The following CDKL4 variants were observed in gnomAD, a reference collection of about 807,000 sequenced individuals.
CDKL4 encodes the protein cyclin dependent kinase like 4.
Under a neutral mutation model 42.0 loss-of-function variants are expected in CDKL4, and 44 were observed. The observed-to-expected ratio is 1.05, with a 90% CI of 0.82 to 1.35. CDKL4 has a LOEUF of 1.35. Among genes scored for constraint, CDKL4 ranks in the 40% most tolerant of loss-of-function variants. CDKL4 has a pLI of 0.00. For missense variants in CDKL4, 393 were observed against 369.9 expected, an observed-to-expected ratio of 1.06 and a Z score of -0.51; for synonymous variants, 120 against 121.6, an observed-to-expected ratio of 0.99 and a Z score of 0.09.
chr2:39,176,499 A>C (rs971493376), intron 9 of CDKL4, among the ~76,000 whole-genome samples: 2 of 152,284 alleles, frequency 1.3e-5, no homozygotes, highest in East Asian at 3.9e-4. Context: ...CAATGGTGCA[A>C]TCTCGGCTCA....
chr2:39,174,355 G>A (rs1196852172), downstream of CDKL4, among the ~76,000 whole-genome samples: 2 of 150,496 alleles, frequency 1.3e-5, no homozygotes, highest in African/African-American at 4.9e-5. Context: ...AGCTGTGATT[G>A]CACCACTGCA....
rs200299086 is a variant in CDKL4 at position 39,185,327 on chromosome 2, C to T, written c.736-680G>A. On this transcript the variant is annotated intron_variant, in intron 7 of 9. Transcript: ENST00000451199. ...ACATATGTATATATACATATATATA[C>T]ACATATGTATATATATACACATATG... Among the ~76,000 whole-genome samples the T allele has an allele frequency of 2.4e-4, 19 of 79,344 alleles. 3 individuals carry two copies. The highest frequency in any genetic ancestry group is 4.0e-4 in the African/African-American group (8 of 19,958). 52.1% of individuals were successfully genotyped at this position (79,344 alleles called of 152,430 possible).
At chr2:39,237,958 T>A (rs1679458206) in intron 1 of CDKL4, among the ~76,000 whole-genome samples, 1 of 152,152 alleles carries the variant, frequency 6.6e-6, no homozygotes, top group Non-Finnish European at 1.5e-5. Context: ...CCATCCAAAT[T>A]AATGTAAAAA....
At chr2:39,239,293 T>C (rs1419676630) in intron 1 of CDKL4, among the ~76,000 whole-genome samples, 2 of 150,818 alleles carry the variant, frequency 1.3e-5, no homozygotes, top group East Asian at 3.9e-4. Flanking sequence ...TGACTTTCAG[T>C]TATGCAGATT....
downstream of CDKL4, among the ~76,000 whole-genome samples, chr2:39,174,356 C>A (rs951533057): frequency 6.7e-6 from 1 of 150,218 alleles, no homozygotes; most frequent in Non-Finnish European, 1.5e-5. Context: ...GCTGTGATTG[C>A]ACCACTGCAC....
exon 6 of CDKL4, chr2:39,190,439 A>T (rs1366915695): frequency 6.2e-7 from 1 of 1,614,058 alleles, no homozygotes; most frequent in Admixed American, 1.7e-5. Context: ...AGTATCTCCC[A>T]CAAGAAGTTC....
intron 3 of CDKL4, among the ~76,000 whole-genome samples, chr2:39,221,641 T>C (rs1271263605): frequency 1.3e-5 from 2 of 152,250 alleles, no homozygotes; most frequent in Non-Finnish European, 2.9e-5. Flanking sequence ...AACGCACTAC[T>C]GAACACCAGC....
chr2:39,227,554 C>A (rs75718657), intron 2 of CDKL4, among the ~76,000 whole-genome samples: 5,494 of 152,130 alleles, frequency 0.036, 154 homozygotes, highest in South Asian at 0.072. Flanking sequence ...ATACTGAGAC[C>A]CCATCTCTCT....
intron 5 of CDKL4, among the ~76,000 whole-genome samples, chr2:39,197,200 C>A (rs1676568635): frequency 6.6e-6 from 1 of 152,138 alleles, no homozygotes; most frequent in African/African-American, 2.4e-5. Context: ...AAAGTCTCAG[C>A]AACAGAACTG....
At chr2:39,180,648 A>AT (rs1675385159) in intron 8 of CDKL4, among the ~76,000 whole-genome samples, 1 of 149,108 alleles carries the variant, frequency 6.7e-6, no homozygotes, top group Non-Finnish European at 1.5e-5. Flanking sequence ...TTCTCCTCAA[A>AT]TCCTAGTACT....
intron 1 of CDKL4, among the ~76,000 whole-genome samples, chr2:39,231,809 T>C (rs1428672849): frequency 2.0e-5 from 3 of 152,204 alleles, no homozygotes; most frequent in Admixed American, 6.5e-5. Context: ...CCCAACACTT[T>C]TGGAGGCTGA....
chr2:39,234,690 A>G (rs549848881), intron 1 of CDKL4, among the ~76,000 whole-genome samples: 2 of 152,306 alleles, frequency 1.3e-5, no homozygotes, highest in East Asian at 3.9e-4. Context: ...AGATAAAGAG[A>G]ATACTCTCTG....
chr2:39,171,491 C>T (rs1674999306), downstream of CDKL4, among the ~76,000 whole-genome samples: 3 of 152,130 alleles, frequency 2.0e-5, no homozygotes, highest in Admixed American at 2.0e-4. Flanking sequence ...AAAGTGATCT[C>T]CTAAAAGGGC....
chr2:39,223,741 T>C (rs995187067), intron 3 of CDKL4, among the ~76,000 whole-genome samples: 3 of 151,874 alleles, frequency 2.0e-5, no homozygotes, highest in Non-Finnish European at 4.4e-5. Context: ...GCCTCCCAAC[T>C]AGCTGGGACA....
At chr2:39,228,802 T>A (rs1420200835) in intron 2 of CDKL4, among the ~76,000 whole-genome samples, 1 of 152,238 alleles carries the variant, frequency 6.6e-6, no homozygotes, top group Non-Finnish European at 1.5e-5. Context: ...ATATTTAGCG[T>A]AAGAAAAAAT....
At chr2:39,168,273 A>G in the CDKL4 span, among the ~76,000 whole-genome samples, 1 of 152,248 alleles carries the variant, frequency 6.6e-6, no homozygotes, top group African/African-American at 2.4e-5. Context: ...TGCTAAAATA[A>G]TAAATGGACA....
intron 1 of CDKL4, among the ~76,000 whole-genome samples, chr2:39,243,618 C>A (rs898526387): frequency 1.3e-5 from 2 of 152,272 alleles, no homozygotes; most frequent in African/African-American, 4.8e-5. Context: ...GCGCGCTCCT[C>A]GGCCCCCGCC....
chr2:39,214,325 G>A (rs1677785626), intron 3 of CDKL4, among the ~76,000 whole-genome samples: 1 of 152,028 alleles, frequency 6.6e-6, no homozygotes, highest in Admixed American at 6.5e-5. Context: ...CACCTGCCTA[G>A]CCACCCATTT....
intron 3 of CDKL4, among the ~76,000 whole-genome samples, chr2:39,218,585 G>A (rs992681059): frequency 2.2e-4 from 33 of 152,274 alleles, no homozygotes; most frequent in East Asian, 3.9e-4. Context: ...AGTAGACCGC[G>A]TAAAGAAGAC....
Sources: gnomAD v4.1 joint callset for allele counts (sites outside exome capture counted in the v4.1 genomes callset) on GRCh38, gnomAD v4.1.1 for gene constraint, MANE v1.5 for transcripts, NCBI Gene and HGNC (gene_info 2026-07-23, HGNC 2026-07-21) for gene names.